GAS7: variants seen among roughly 807,000 people sequenced by gnomAD.
The protein encoded by GAS7 is growth arrest specific 7.
Under a neutral mutation model 71.1 loss-of-function variants are expected in GAS7, and 28 were observed. The ratio of observed to expected loss-of-function variants is 0.39; its 90% CI spans 0.29 to 0.54. The LOEUF (loss-of-function observed/expected upper bound fraction) is 0.54, where lower values mean the gene tolerates loss of function less well. GAS7 is among the 20% of genes least tolerant of loss of function. The pLI is 0.62. For missense variants in GAS7, 436 were observed against 627.8 expected (o/e 0.69, Z 3.27); for synonymous variants, 258 against 245.8 (o/e 1.05, Z -0.46).
intron 1 of GAS7, among the ~76,000 whole-genome samples, chr17:10,077,785 A>G (rs138821413): frequency 1.3e-5 from 2 of 152,294 alleles, no homozygotes; most frequent in East Asian, 3.9e-4. Flanking sequence ...TCAGGAAGCT[A>G]CTGCAGGGTG....
intron 5 of GAS7, among the ~76,000 whole-genome samples, chr17:9,950,055 G>C (rs1398815814): frequency 6.6e-6 from 1 of 151,930 alleles, no homozygotes; most frequent in Non-Finnish European, 1.5e-5. Context: ...GCAGAGACAG[G>C]ATTTCACCAC....
rs369802860 is a variant in GAS7, at chr17:10,124,549, G to A, written c.183+73659C>T. ...TCTCATGATTTGCTGGCTCTCTTTC[G>A]GCCTGCAAATGCCAGGCTTAGCCAG... On this transcript the variant is annotated intron_variant, in intron 1 of 13. Coordinates refer to ENST00000432992, the MANE Select transcript of GAS7 (RefSeq NM_201433.2). 2.0e-4 allele frequency among the ~76,000 whole-genome samples: 31 copies of A among 152,284 alleles called. No individual in the cohort carries two copies. In the East Asian group the frequency reaches 2.9e-3, roughly 14 times the overall value.
chr17:10,135,971 A>C (rs965469323), intron 1 of GAS7, among the ~76,000 whole-genome samples: 4 of 152,202 alleles, frequency 2.6e-5, no homozygotes, highest in African/African-American at 9.7e-5. Context: ...TTTAAAGAAC[A>C]AGAGCATGAC....
At chr17:9,989,042 G>C (rs2070745874) in intron 2 of GAS7, among the ~76,000 whole-genome samples, 1 of 151,976 alleles carries the variant, frequency 6.6e-6, no homozygotes. Context: ...GTAGAGACAG[G>C]GTTTCACCGT....
At chr17:9,993,716 A>G (rs1312397421) in intron 2 of GAS7, among the ~76,000 whole-genome samples, 2 of 150,420 alleles carry the variant, frequency 1.3e-5, no homozygotes, top group Admixed American at 6.6e-5. Flanking sequence ...AGGGTATTCA[A>G]TTAGGAAAAG....
intron 2 of GAS7, among the ~76,000 whole-genome samples, chr17:10,017,431 C>T (rs1466869009): frequency 2.0e-5 from 3 of 151,770 alleles, no homozygotes; most frequent in Non-Finnish European, 4.4e-5. Flanking sequence ...CGCGTTCAAG[C>T]GATTCTCCTG....
intron 1 of GAS7, among the ~76,000 whole-genome samples, chr17:10,105,756 C>T (rs1325846233): frequency 6.6e-6 from 1 of 152,130 alleles, no homozygotes; most frequent in African/African-American, 2.4e-5. Context: ...TAGCTCATGC[C>T]TTTCTTGTTT....
At chr17:10,016,431 G>C (rs1441873481) in intron 2 of GAS7, among the ~76,000 whole-genome samples, 1 of 148,634 alleles carries the variant, frequency 6.7e-6, no homozygotes, top group Admixed American at 6.7e-5. Flanking sequence ...AATAAAACTG[G>C]CATATATCTA....
chr17:10,113,410 G>A (rs913192251), intron 1 of GAS7, among the ~76,000 whole-genome samples: 2 of 152,190 alleles, frequency 1.3e-5, no homozygotes, highest in Non-Finnish European at 2.9e-5. Context: ...AACAGGTAAA[G>A]GTAACAGAGA....
intron 1 of GAS7, among the ~76,000 whole-genome samples, chr17:10,185,660 C>T (rs917391958): frequency 7.9e-5 from 12 of 152,336 alleles, no homozygotes; most frequent in Middle Eastern, 3.4e-3. Flanking sequence ...ATAAGTGACA[C>T]TACTTGACAT....
At chr17:10,075,270 C>T (rs1224191125) in intron 1 of GAS7, among the ~76,000 whole-genome samples, 1 of 151,658 alleles carries the variant, frequency 6.6e-6, no homozygotes, top group African/African-American at 2.4e-5. Context: ...GCAGGAGAAT[C>T]GCTTGAACCC....
intron 1 of GAS7, among the ~76,000 whole-genome samples, chr17:10,058,451 C>CAA (rs1303509856): frequency 7.5e-5 from 7 of 92,954 alleles, no homozygotes; most frequent in African/African-American, 1.4e-4. Context: ...GACTCCGTCT[C>CAA]AAAAAAAAAA....
intron 1 of GAS7, among the ~76,000 whole-genome samples, chr17:10,037,761 A>C (rs2152225620): frequency 6.6e-6 from 1 of 152,170 alleles, no homozygotes; most frequent in East Asian, 1.9e-4. Context: ...ATCCATGTAA[A>C]CATTTCACCT....
chr17:9,945,439 C>T (rs538988805), intron 6 of GAS7, among the ~76,000 whole-genome samples: 10 of 152,180 alleles, frequency 6.6e-5, no homozygotes, highest in South Asian at 2.1e-4. Context: ...TTGCTTACCC[C>T]GCCCTCTGAG....
At chr17:10,031,150 C>G (rs2072607756) in intron 1 of GAS7, among the ~76,000 whole-genome samples, 1 of 152,208 alleles carries the variant, frequency 6.6e-6, no homozygotes, top group Admixed American at 6.5e-5. Context: ...CTATCCAGCT[C>G]CTGGTAGGCT....
At chr17:10,129,955 C>T (rs1234718740) in intron 1 of GAS7, among the ~76,000 whole-genome samples, 2 of 151,968 alleles carry the variant, frequency 1.3e-5, no homozygotes, top group African/African-American at 2.4e-5. Flanking sequence ...AGGTGGATCG[C>T]GAGGTCAGGA....
intron 1 of GAS7, among the ~76,000 whole-genome samples, chr17:10,136,385 C>G (rs73974423): frequency 0.032 from 4,820 of 152,242 alleles, 268 homozygotes; most frequent in African/African-American, 0.11. Context: ...GTTGCTGGGG[C>G]TAAGCTCGGG....
At chr17:10,053,211 A>C (rs1317883093) in intron 1 of GAS7, among the ~76,000 whole-genome samples, 1 of 152,160 alleles carries the variant, frequency 6.6e-6, no homozygotes, top group Non-Finnish European at 1.5e-5. Context: ...CCAAACCACA[A>C]ATGAATAAAA....
intron 1 of GAS7, among the ~76,000 whole-genome samples, chr17:10,060,957 G>A (rs951317465): frequency 6.6e-6 from 1 of 152,214 alleles, no homozygotes; most frequent in Admixed American, 6.5e-5. Context: ...TTAGCTCCCT[G>A]CAGAGACCTC....
Sources: allele counts gnomAD v4.1 joint callset (sites outside exome capture counted in the v4.1 genomes callset), GRCh38; gene constraint gnomAD v4.1.1; transcripts MANE v1.5; gene names NCBI Gene and HGNC (gene_info 2026-07-23, HGNC 2026-07-21).